BAG5: variants seen among roughly 807,000 people sequenced by gnomAD.
BAG5 encodes the protein BAG cochaperone 5, also known as BAG family molecular chaperone regulator 5.
BAG5 carries 25 observed loss-of-function variants against 31.8 expected under a neutral mutation model. That is an observed-to-expected ratio of 0.79 (90% CI 0.57 to 1.10). The LOEUF is 1.10. BAG5 is among the 50% of genes least tolerant of loss of function. BAG5 has a pLI of 0.00. For missense variants in BAG5, 491 were observed against 527.9 expected (o/e 0.93, Z 0.68); for synonymous variants, 208 against 205.0 (o/e 1.01, Z -0.13).
At position 103,562,220 on chromosome 14, in the gene BAG5, C is replaced by T; in HGVS notation, c.-29+396G>A. 5.2e-6 allele frequency: 3 copies of T among 579,420 alleles called. No individual in the cohort carries two copies. The South Asian group carries it at 5.9e-5, about 11-fold the overall frequency. The allele number at this position is 579,420 out of a possible 1,614,324, so 35.9% of individuals were successfully genotyped here. On this transcript the variant is annotated intron_variant, in intron 1 of 1. Transcript: ENST00000299204. Reference sequence around the variant, plus strand: ...GGCCCCCAGCTGCATGCCTCGCACCCCTCCCGACTAGGTCTGAGCGGGGCA... The same window carrying T: ...GGCCCCCAGCTGCATGCCTCGCACCTCTCCCGACTAGGTCTGAGCGGGGCA...
In BAG5 at chr14:103,560,600, C is replaced by T. The variant is rs371767275; in HGVS notation, c.565G>A (p.Val189Met). ...AHPSVAKINF[V>M]MCEVNKARGV... ...CGGGCCTTGTTCACCTCACACATCA[C>T]GAAGTTGATTTTGGCAACGGAAGGA... The change falls in exon 2 of 2, where the codon GTG becomes ATG. Residue 189 changes from valine to methionine, a missense_variant. Coordinates refer to ENST00000299204, the MANE Select transcript of BAG5 (RefSeq NM_001015048.3). The T allele has an allele frequency of 3.5e-5, 57 of 1,614,012 alleles. No individual in the cohort carries two copies. The highest frequency in any genetic ancestry group is 4.5e-5 in the Non-Finnish European group (53 of 1,180,040).
chr14:103,559,595 A>C lies in BAG5; in HGVS notation c.*226T>G. On this transcript the variant is annotated 3_prime_UTR_variant, in exon 2 of 2. Coordinates refer to ENST00000299204, the MANE Select transcript of BAG5 (RefSeq NM_001015048.3). ...AAACGCAAAAAAAAGGACAAACCAAACAAACCACACCACATCATACAGATA... is the reference window on the plus strand; with the variant it reads ...AAACGCAAAAAAAAGGACAAACCAACCAAACCACACCACATCATACAGATA... 2 of 522,780 alleles carry C rather than the reference A, an allele frequency of 3.8e-6. No individual in the cohort carries two copies. Among genetic ancestry groups the C allele is most frequent in the South Asian group, 3.6e-5 (1 of 27,522 alleles). The allele number at this position is 522,780 out of a possible 1,614,324, so 32.4% of individuals were successfully genotyped here.
chr14:103,560,975 T>C lies in BAG5; in HGVS notation c.190A>G (p.Ile64Val). ...GCTGCCCGCTTCCTAGCTTGCTGAA[T>C]ATCTCCTTTTCCTTCAGTATCTACA... ...DSVDTEGKGDIQQARKRAAQE... is the reference protein window; with the variant it reads ...DSVDTEGKGDVQQARKRAAQE... The change falls in exon 2 of 2, where the codon ATT becomes GTT. Residue 64 changes from isoleucine to valine, a missense_variant. By Grantham distance (29) the Ile-to-Val change is conservative. Coordinates refer to ENST00000299204, the MANE Select transcript of BAG5 (RefSeq NM_001015048.3). The C allele has an allele frequency of 6.2e-7, 1 of 1,614,240 alleles. No individual in the cohort carries two copies. Among genetic ancestry groups the C allele is most frequent in the South Asian group, 1.1e-5 (1 of 91,080 alleles).
chr14:103,561,928 C>T (rs2076079386), intron 1 of BAG5: 2 of 1,612,266 alleles, frequency 1.2e-6, no homozygotes, highest in South Asian at 2.2e-5. Flanking sequence ...ACTGGGAGTC[C>T]ACAATGGCCT....
chr14:103,562,589 A>C, intron 1 of BAG5, 27 bp downstream of exon 1: 2 of 163,560 alleles, frequency 1.2e-5, no homozygotes, highest in Non-Finnish European at 1.3e-5. Context: ...GAGAGAGGGA[A>C]AAGGCTACAA....
In BAG5 at chr14:103,559,957, G is replaced by A; in HGVS notation, c.1208C>T (p.Thr403Ile). Residue 403 changes from threonine to isoleucine, a missense_variant, in exon 2 of 2, where the codon ACC becomes ATC. Physicochemically the swap from Thr to Ile is moderately conservative, Grantham distance 89 (BLOSUM62 -1). Coordinates refer to ENST00000299204, the MANE Select transcript of BAG5 (RefSeq NM_001015048.3). ...KNYIRLEELLTKQLLALDAVD... is the reference protein window; with the variant it reads ...KNYIRLEELLIKQLLALDAVD... Reference sequence around the variant, plus strand: ...AGCATCCAGGGCTAGCAGCTGCTTGGTGAGCAGCTCTTCCAGCCGGATGTA... The same window carrying A: ...AGCATCCAGGGCTAGCAGCTGCTTGATGAGCAGCTCTTCCAGCCGGATGTA... 1 of 1,614,230 alleles carries A rather than the reference G, an allele frequency of 6.2e-7. No homozygotes were observed. Among genetic ancestry groups the A allele is most frequent in the Non-Finnish European group, 8.5e-7 (1 of 1,180,046 alleles).
chr14:103,559,450 A>G lies in BAG5; in HGVS notation c.*371T>C, dbSNP rs561139553. ...TAACCAAAAATTTCCCCTTTCTCAT[A>G]ATTTTCCTAGTATTATGTAAGGTTA... On this transcript the variant is annotated 3_prime_UTR_variant, in exon 2 of 2. Transcript: ENST00000299204. 36 of 180,564 alleles carry G rather than the reference A, an allele frequency of 2.0e-4. No individual in the cohort carries two copies. The highest frequency in any genetic ancestry group is 3.3e-4 in the Non-Finnish European group (28 of 84,344). 11.2% of individuals were successfully genotyped at this position (180,564 alleles called of 1,614,324 possible). A position where few individuals can be genotyped will look rare whatever the true frequency, so the allele number is the denominator to read the frequency against.
Position 103,560,766 on chromosome 14 carries a change from C to G in BAG5, c.399G>C (p.Arg133Ser). The G allele has an allele frequency of 1.2e-6, 2 of 1,614,032 alleles. No individual in the cohort carries two copies. Among genetic ancestry groups the G allele is most frequent in the Non-Finnish European group, 1.7e-6 (2 of 1,180,044 alleles). Residue 133 changes from arginine to serine, a missense_variant, in exon 2 of 2, where the codon AGG becomes AGC. Arg to Ser is a moderately radical substitution (Grantham distance 110). Coordinates refer to ENST00000299204, the MANE Select transcript of BAG5 (RefSeq NM_001015048.3). ...FEEGIQDIIL[R>S]LTHVKTGGKI... is the part of the protein sequence containing the mutation. ...TTCCTCCAGTTTTAACATGTGTCAGCCTCAGAATGATATCTTGGATGCCTT... is the reference window on the plus strand; with the variant it reads ...TTCCTCCAGTTTTAACATGTGTCAGGCTCAGAATGATATCTTGGATGCCTT...
At chr14:103,561,919 C>T in intron 1 of BAG5, 3 of 1,609,174 alleles carry the variant, frequency 1.9e-6, no homozygotes, top group Non-Finnish European at 2.6e-6. Flanking sequence ...TCGCCTCCCA[C>T]TGGGAGTCCA....
In BAG5 at chr14:103,560,353, C is replaced by T. The variant is rs761089992; in HGVS notation, c.812G>A (p.Arg271Lys). 48 of 1,614,008 alleles carry T rather than the reference C, an allele frequency of 3.0e-5. No individual in the cohort carries two copies. The highest frequency in any genetic ancestry group is 3.7e-5 in the Non-Finnish European group (44 of 1,180,040). ...EADTTKAFDL[R>K]QNHSILKIEK... The stretch of plus-strand genomic sequence containing the variant: ...TATTTTTAAAATGGAATGATTCTGT[C>T]TCAGGTCAAATGCTTTAGTTGTGTC... The change falls in exon 2 of 2, where the codon AGA (arginine) becomes AAA (lysine). Residue 271 changes from arginine (R) to lysine (K), a missense_variant. Physicochemically the swap from Arg to Lys is conservative, Grantham distance 26. Coordinates refer to ENST00000299204, the MANE Select transcript of BAG5 (RefSeq NM_001015048.3).
At chr14:103,562,344 C>A (rs1475905006) in intron 1 of BAG5, 1 of 297,568 alleles carries the variant, frequency 3.4e-6, no homozygotes, top group East Asian at 8.7e-5. Context: ...AATGGGCGCG[C>A]GAGGGGAGCT....
Position 103,560,818 on chromosome 14 carries a change from C to T in BAG5, c.347G>A (p.Gly116Asp), listed in dbSNP as rs1480886774. The part of the protein sequence containing the change: ...REKIVPFYNG[G>D]NCVTDEFEEG... ...TTCAAACTCATCAGTTACGCAGTTG[C>T]CTCCATTATAAAATGGCACAATTTT... The change falls in exon 2 of 2, where the codon GGC (glycine) becomes GAC (aspartate). Residue 116 changes from glycine to aspartate, a missense_variant. Gly to Asp is a moderately conservative substitution (Grantham distance 94, BLOSUM62 -1). Transcript: ENST00000299204. 9 of 1,614,080 alleles carry T rather than the reference C, an allele frequency of 5.6e-6. No homozygotes were observed. In the Admixed American group the frequency reaches 1.2e-4, roughly 21 times the overall value.
Position 103,560,510 on chromosome 14 carries a change from C to A in BAG5, c.655G>T (p.Val219Leu), listed in dbSNP as rs1228258849. 1 of 1,614,118 alleles carries A rather than the reference C, an allele frequency of 6.2e-7. No individual in the cohort carries two copies. The highest frequency in any genetic ancestry group is 1.1e-5 in the South Asian group (1 of 91,080). Residue 219 changes from valine to leucine, a missense_variant, in exon 2 of 2, where the codon GTG becomes TTG. Transcript: ENST00000299204. ...NNETCRHLSC[V>L]LSGLIADLDA... ...AGGTCAGCGATCAGCCCCGAGAGCA[C>A]ACAGGATAAGTGCCTGCAGGTCTCA...
intron 1 of BAG5, chr14:103,561,770 A>G (rs2142264091): frequency 1.6e-6 from 1 of 636,796 alleles, no homozygotes; most frequent in Non-Finnish European, 2.8e-6. Context: ...CCCACAGGTA[A>G]AGAAGAGCGA....
At position 103,559,547 on chromosome 14, in the gene BAG5, CCT is replaced by C. The variant is rs1451130643; in HGVS notation, c.*272_*273del. 10 of 342,610 alleles carry C rather than the reference CCT, an allele frequency of 2.9e-5. No individual in the cohort carries two copies. The highest frequency in any genetic ancestry group is 4.8e-5 in the Non-Finnish European group (9 of 187,578). 21.2% of individuals were successfully genotyped at this position (342,610 alleles called of 1,614,324 possible). On this transcript the variant is annotated 3_prime_UTR_variant, in exon 2 of 2. Coordinates refer to ENST00000299204, the MANE Select transcript of BAG5 (RefSeq NM_001015048.3). ...ACCCATTTAAAATCTACAAAAGCTGCCTCTATTTTGTTTTCTGATTAAAAACG... is the reference window on the plus strand; with the variant it reads ...ACCCATTTAAAATCTACAAAAGCTGCCTATTTTGTTTTCTGATTAAAAACG...
Position 103,560,466 on chromosome 14 carries a change from G to C in BAG5, c.699C>G (p.Cys233Trp). ...GATAATTTCTGATTTCTGTCCGGCCGCACACATCTAGAGCATCCAGGTCAG... is the reference window on the plus strand; with the variant it reads ...GATAATTTCTGATTTCTGTCCGGCCCCACACATCTAGAGCATCCAGGTCAG... ...LIADLDALDV[C>W]GRTEIRNYRR... The change falls in exon 2 of 2, where the codon TGC becomes TGG. Residue 233 changes from cysteine (C) to tryptophan (W), a missense_variant. Cys to Trp is a radical substitution (Grantham distance 215). Coordinates refer to ENST00000299204, the MANE Select transcript of BAG5 (RefSeq NM_001015048.3). 3 of 1,613,902 alleles carry C rather than the reference G, an allele frequency of 1.9e-6. No homozygotes were observed. The highest frequency in any genetic ancestry group is 3.3e-5 in the Admixed American group (2 of 60,002).
At position 103,556,582 on chromosome 14, in the gene BAG5, T is replaced by C. The variant is rs2076040404; in HGVS notation, c.*3239A>G. On this transcript the variant is annotated 3_prime_UTR_variant, in exon 2 of 2. Coordinates refer to ENST00000299204, the MANE Select transcript of BAG5 (RefSeq NM_001015048.3). ...GCAAGCGTAAGAGACTGGTTTTATT[T>C]CAAGAATAACTAAGGGTATATTAAC... 1 of 152,180 alleles carries C rather than the reference T, an allele frequency of 6.6e-6. No individual in the cohort carries two copies. The highest frequency in any genetic ancestry group is 2.4e-5 in the African/African-American group (1 of 41,442). The allele number at this position is 152,180 out of a possible 1,614,324, so 9.4% of individuals were successfully genotyped here.
Position 103,559,959 on chromosome 14 carries a change from GAGC to G in BAG5, c.1203_1205del (p.Leu402del). 6.2e-7 allele frequency: 1 copy of G among 1,614,208 alleles called. No individual in the cohort carries two copies. Among genetic ancestry groups the G allele is most frequent in the South Asian group, 1.1e-5 (1 of 91,078 alleles). On this transcript the variant is annotated inframe_deletion, in exon 2 of 2. Transcript: ENST00000299204. ...CATCCAGGGCTAGCAGCTGCTTGGT[GAGC>G]AGCTCTTCCAGCCGGATGTAGTTCT... is the stretch of plus-strand genomic sequence containing the variant.
chr14:103,560,493 G>A lies in BAG5; in HGVS notation c.672C>T (p.Ile224=), dbSNP rs560380530. 7.4e-6 allele frequency: 12 copies of A among 1,614,004 alleles called. No homozygotes were observed. In the South Asian group the frequency reaches 7.7e-5, roughly 10 times the overall value. The change falls in exon 2 of 2, where the codon ATC becomes ATT. Residue 224 remains isoleucine (I), a synonymous_variant. Coordinates refer to ENST00000299204, the MANE Select transcript of BAG5 (RefSeq NM_001015048.3). ...RHLSCVLSGL[I]ADLDALDVCG... ...ACACATCTAGAGCATCCAGGTCAGC[G>A]ATCAGCCCCGAGAGCACACAGGATA...
Sources: allele counts gnomAD v4.1 joint callset, GRCh38; gene constraint gnomAD v4.1.1; transcripts MANE v1.5; gene names NCBI Gene and HGNC (gene_info 2026-07-23, HGNC 2026-07-21).